Variants in PABPC4L observed in about 807,000 individuals in gnomAD.
PABPC4L encodes poly(A) binding protein cytoplasmic 4 like, also known as polyadenylate-binding protein 4-like.
For missense variants in PABPC4L, 452 were observed against 451.4 expected (o/e 1.00, Z -0.01); for synonymous variants, 169 against 164.1 (o/e 1.03, Z -0.23).
the PABPC4L span, among the ~76,000 whole-genome samples, chr4:134,138,627 G>T: frequency 6.6e-6 from 1 of 151,464 alleles, no homozygotes; most frequent in African/African-American, 2.4e-5. Flanking sequence ...TTTTCCAGTG[G>T]CCAAATGATA....
At chr4:134,175,737 C>G in the PABPC4L span, among the ~76,000 whole-genome samples, 1 of 152,162 alleles carries the variant, frequency 6.6e-6, no homozygotes, top group Admixed American at 6.5e-5. Flanking sequence ...GTGTGAGTCA[C>G]TGTGCCTGGT....
chr4:134,102,614 A>G, the PABPC4L span, among the ~76,000 whole-genome samples: 1 of 151,612 alleles, frequency 6.6e-6, no homozygotes, highest in Admixed American at 6.6e-5. Context: ...ACAGCCAATC[A>G]TGGAACAACT....
the PABPC4L span, among the ~76,000 whole-genome samples, chr4:134,037,285 G>T: frequency 6.6e-6 from 1 of 152,020 alleles, no homozygotes; most frequent in Non-Finnish European, 1.5e-5. Flanking sequence ...GAGCATGGAT[G>T]TATTTTCATT....
the PABPC4L span, among the ~76,000 whole-genome samples, chr4:133,972,497 A>C: frequency 6.6e-6 from 1 of 152,174 alleles, no homozygotes; most frequent in Non-Finnish European, 1.5e-5. Context: ...AGATGAGTCC[A>C]TCTCTGGGAG....
At chr4:134,101,145 T>C in the PABPC4L span, among the ~76,000 whole-genome samples, 2 of 151,486 alleles carry the variant, frequency 1.3e-5, no homozygotes, top group Non-Finnish European at 3.0e-5. Flanking sequence ...AGTTGCTAGC[T>C]GTAGTTGAAT....
the PABPC4L span, among the ~76,000 whole-genome samples, chr4:133,967,046 A>T: frequency 6.6e-6 from 1 of 152,136 alleles, no homozygotes; most frequent in East Asian, 1.9e-4. Context: ...AAGAGAAGGA[A>T]GTACCAAGAA....
the PABPC4L span, among the ~76,000 whole-genome samples, chr4:134,187,851 T>G: frequency 6.6e-6 from 1 of 152,120 alleles, no homozygotes; most frequent in Non-Finnish European, 1.5e-5. Context: ...ATACAAGATA[T>G]ATTGTTTTTT....
the PABPC4L span, among the ~76,000 whole-genome samples, chr4:134,137,626 C>A: frequency 6.6e-6 from 1 of 151,682 alleles, no homozygotes; most frequent in African/African-American, 2.4e-5. Context: ...TTTTTTATTC[C>A]TTATTCTTGC....
the PABPC4L span, among the ~76,000 whole-genome samples, chr4:134,126,700 C>G: frequency 6.6e-6 from 1 of 152,040 alleles, no homozygotes; most frequent in East Asian, 1.9e-4. Context: ...ATGGACAGAG[C>G]AGTGTGAAGA....
At chr4:134,059,865 C>T in the PABPC4L span, among the ~76,000 whole-genome samples, 1 of 152,066 alleles carries the variant, frequency 6.6e-6, no homozygotes, top group Non-Finnish European at 1.5e-5. Flanking sequence ...AGAAAAAGCA[C>T]TTTCATAAGA....
the PABPC4L span, among the ~76,000 whole-genome samples, chr4:134,085,565 A>C: frequency 2.0e-5 from 3 of 152,266 alleles, no homozygotes; most frequent in South Asian, 2.1e-4. Flanking sequence ...TCTGTGTCCT[A>C]TCTCAGTCAC....
chr4:134,097,860 TC>T, the PABPC4L span, among the ~76,000 whole-genome samples: 5 of 151,932 alleles, frequency 3.3e-5, no homozygotes, highest in African/African-American at 9.7e-5. Flanking sequence ...GTTTTTACTT[TC>T]TGTGCCATTG....
the PABPC4L span, among the ~76,000 whole-genome samples, chr4:134,158,185 T>C: frequency 6.6e-6 from 1 of 151,966 alleles, no homozygotes; most frequent in African/African-American, 2.4e-5. Flanking sequence ...CACTCCCAGT[T>C]ATTATCAGTA....
chr4:134,094,763 C>T, the PABPC4L span, among the ~76,000 whole-genome samples: 2 of 151,102 alleles, frequency 1.3e-5, no homozygotes, highest in Non-Finnish European at 3.0e-5. Context: ...ATAGTGTTAC[C>T]CATAAATTAA....
the PABPC4L span, among the ~76,000 whole-genome samples, chr4:134,089,974 T>A: frequency 1.3e-5 from 2 of 152,070 alleles, no homozygotes; most frequent in East Asian, 3.9e-4. Context: ...TGAAATCAAT[T>A]GAGCCCTCTG....
At chr4:134,180,577 T>C in the PABPC4L span, among the ~76,000 whole-genome samples, 2 of 151,266 alleles carry the variant, frequency 1.3e-5, no homozygotes, top group African/African-American at 2.4e-5. Context: ...ATACAAGAGA[T>C]CAGTGAATCT....
In PABPC4L at chr4:134,199,189, G is replaced by T. The variant is rs545542403; in HGVS notation, c.*718C>A. Reference sequence around the variant, plus strand: ...TAACTTAAGGAATGTAGAAGTTAAGGTTTTACAGTGCAAGTTACAATTTAG... The same window carrying T: ...TAACTTAAGGAATGTAGAAGTTAAGTTTTTACAGTGCAAGTTACAATTTAG... On this transcript the variant is annotated 3_prime_UTR_variant, in exon 2 of 2. Coordinates refer to ENST00000421491, the MANE Select transcript of PABPC4L (RefSeq NM_001114734.2). 1.3e-5 allele frequency: 2 copies of T among 152,086 alleles called. No homozygotes were observed. The highest frequency in any genetic ancestry group is 6.5e-5 in the Admixed American group (1 of 15,278). The allele number at this position is 152,086 out of a possible 1,614,324, so 9.4% of individuals were successfully genotyped here.
chr4:134,110,694 T>C, the PABPC4L span, among the ~76,000 whole-genome samples: 1 of 151,590 alleles, frequency 6.6e-6, no homozygotes, highest in African/African-American at 2.4e-5. Context: ...TAAAATTGCA[T>C]AATATTTGAA....
the PABPC4L span, among the ~76,000 whole-genome samples, chr4:134,156,893 A>G: frequency 1.3e-5 from 2 of 151,926 alleles, no homozygotes; most frequent in Non-Finnish European, 2.9e-5. Flanking sequence ...TGGTCCACTA[A>G]TGTAAAACAG....
Sources: allele counts gnomAD v4.1 joint callset (sites outside exome capture counted in the v4.1 genomes callset), GRCh38; gene constraint gnomAD v4.1.1; transcripts MANE v1.5; gene names NCBI Gene and HGNC (gene_info 2026-07-23, HGNC 2026-07-21).